DPP10: variants seen among roughly 807,000 people sequenced by gnomAD.
DPP10 encodes the protein inactive dipeptidyl peptidase 10.
Under a neutral mutation model 120.9 loss-of-function variants are expected in DPP10, and 33 were observed. The observed-to-expected ratio is 0.27, with a 90% confidence interval of 0.21 to 0.37. DPP10 has a LOEUF of 0.37. DPP10 is among the 10% of genes least tolerant of loss of function. The pLI, the probability that DPP10 is intolerant of heterozygous loss-of-function variation, is 1.00. For missense variants in DPP10, 816 were observed against 942.8 expected (o/e 0.87, Z 1.76); for synonymous variants, 337 against 326.1 (o/e 1.03, Z -0.36).
intron 2 of DPP10, among the ~76,000 whole-genome samples, chr2:115,311,416 G>A (rs1336865069): frequency 6.6e-6 from 1 of 152,114 alleles, no homozygotes; most frequent in Non-Finnish European, 1.5e-5. Context: ...GTTATATAAA[G>A]AATGTTCCCC....
chr2:115,736,503 T>C (rs1255343485), intron 8 of DPP10, among the ~76,000 whole-genome samples: 1 of 152,186 alleles, frequency 6.6e-6, no homozygotes, highest in Non-Finnish European at 1.5e-5. Flanking sequence ...TGGATTATTA[T>C]GGTAATGGAT....
intron 1 of DPP10, among the ~76,000 whole-genome samples, chr2:114,667,339 A>G (rs1698002263): frequency 6.6e-6 from 1 of 152,130 alleles, no homozygotes; most frequent in South Asian, 2.1e-4. Context: ...TTAGCTCTCT[A>G]AGGTAAGAAA....
chr2:114,656,187 A>C (rs1035879686), intron 1 of DPP10, among the ~76,000 whole-genome samples: 2 of 152,134 alleles, frequency 1.3e-5, no homozygotes, highest in African/African-American at 4.8e-5. Flanking sequence ...ATAATTGCAA[A>C]AACTTTGGCC....
At chr2:115,805,588 T>C (rs1370160506) in intron 19 of DPP10, among the ~76,000 whole-genome samples, 1 of 151,562 alleles carries the variant, frequency 6.6e-6, no homozygotes, top group Non-Finnish European at 1.5e-5. Flanking sequence ...TTTTTTTTTT[T>C]TTTGAGACGC....
intron 1 of DPP10, among the ~76,000 whole-genome samples, chr2:115,076,121 CTGT>C (rs1707767505): frequency 6.6e-6 from 1 of 151,970 alleles, no homozygotes; most frequent in Non-Finnish European, 1.5e-5. Context: ...TTTGTTGTTT[CTGT>C]TGTTGTTGAA....
intron 1 of DPP10, among the ~76,000 whole-genome samples, chr2:115,051,487 A>G (rs1044962080): frequency 9.2e-5 from 14 of 152,188 alleles, no homozygotes; most frequent in Admixed American, 9.2e-4. Flanking sequence ...TCAGACTGAA[A>G]CTAATGGACA....
At chr2:114,595,217 C>G (rs1352059961) in intron 1 of DPP10, among the ~76,000 whole-genome samples, 1 of 152,046 alleles carries the variant, frequency 6.6e-6, no homozygotes, top group Non-Finnish European at 1.5e-5. Context: ...AACGTACACA[C>G]AGACCACATA....
intron 7 of DPP10, among the ~76,000 whole-genome samples, chr2:115,696,890 A>G (rs1403484558): frequency 6.6e-6 from 1 of 152,148 alleles, no homozygotes; most frequent in Non-Finnish European, 1.5e-5. Context: ...ATTAGTTAAT[A>G]CCTTTGGATG....
chr2:115,361,932 T>G (rs1559484134), intron 3 of DPP10, among the ~76,000 whole-genome samples: 1 of 152,082 alleles, frequency 6.6e-6, no homozygotes, highest in Non-Finnish European at 1.5e-5. Flanking sequence ...AACTCCAAAT[T>G]TTCATATTAA....
At chr2:115,482,294 A>G (rs1337866749) in intron 3 of DPP10, among the ~76,000 whole-genome samples, 2 of 134,868 alleles carry the variant, frequency 1.5e-5, no homozygotes, top group Non-Finnish European at 1.7e-5. Flanking sequence ...GATTATATAT[A>G]TATATATCTG....
intron 1 of DPP10, among the ~76,000 whole-genome samples, chr2:114,833,064 A>T (rs551174174): frequency 7.9e-5 from 12 of 152,156 alleles, no homozygotes; most frequent in African/African-American, 2.6e-4. Context: ...TAAAAAAGAA[A>T]TTTTTTTAGA....
intron 1 of DPP10, among the ~76,000 whole-genome samples, chr2:114,991,184 A>G (rs558162597): frequency 2.6e-4 from 39 of 152,294 alleles, no homozygotes; most frequent in Admixed American, 8.5e-4. Context: ...TAAAATATCA[A>G]CAGGAAAACA....
At chr2:114,480,519 T>C (rs923839556) in intron 1 of DPP10, among the ~76,000 whole-genome samples, 2 of 151,970 alleles carry the variant, frequency 1.3e-5, no homozygotes, top group East Asian at 1.9e-4. Flanking sequence ...TGGAATACTA[T>C]GCAGCCATAA....
Position 114,713,065 on chromosome 2 carries a change from C to T in DPP10, c.60+270227C>T, listed in dbSNP as rs376125430. Among the ~76,000 whole-genome samples the T allele has an allele frequency of 2.4e-4, 36 of 149,086 alleles. No homozygotes were observed. The East Asian group carries it at 6.2e-3, about 26-fold the overall frequency. ...GCAATGGTGTGATCTCAGCTCACTG[C>T]AACCTCTGCCTCCTGGGTTCAAGCG... is the stretch of plus-strand genomic sequence containing the variant. On this transcript the variant is annotated intron_variant, in intron 1 of 25. Transcript: ENST00000410059.
At chr2:114,644,762 G>A (rs779299183) in intron 1 of DPP10, among the ~76,000 whole-genome samples, 8 of 152,022 alleles carry the variant, frequency 5.3e-5, no homozygotes, top group South Asian at 4.1e-4. Flanking sequence ...CATGCAATAA[G>A]CAACTCAAAT....
chr2:114,743,952 A>T (rs986419496), intron 1 of DPP10, among the ~76,000 whole-genome samples: 1 of 152,136 alleles, frequency 6.6e-6, no homozygotes, highest in Non-Finnish European at 1.5e-5. Context: ...TACAAGATCG[A>T]AGGTTATAAG....
At chr2:115,633,125 T>C (rs934686015) in intron 5 of DPP10, among the ~76,000 whole-genome samples, 1 of 152,200 alleles carries the variant, frequency 6.6e-6, no homozygotes, top group Non-Finnish European at 1.5e-5. Context: ...TAAAGACACA[T>C]GCACACGTAT....
At chr2:115,171,149 T>C (rs1299104224) in intron 1 of DPP10, among the ~76,000 whole-genome samples, 1 of 151,798 alleles carries the variant, frequency 6.6e-6, no homozygotes, top group Non-Finnish European at 1.5e-5. Context: ...TCACCTGAGG[T>C]CAGGAGTTTG....
chr2:114,473,131 G>A (rs1680070562), intron 1 of DPP10, among the ~76,000 whole-genome samples: 1 of 152,092 alleles, frequency 6.6e-6, no homozygotes, highest in Non-Finnish European at 1.5e-5. Context: ...TCAACTAGAA[G>A]TCCTCTGCAT....
Sources: gnomAD v4.1 joint callset for allele counts (sites outside exome capture counted in the v4.1 genomes callset) on GRCh38, gnomAD v4.1.1 for gene constraint, MANE v1.5 for transcripts, NCBI Gene and HGNC (gene_info 2026-07-23, HGNC 2026-07-21) for gene names.